The following TPPP2 variants were observed in gnomAD, a reference collection of about 807,000 sequenced individuals.
The protein encoded by TPPP2 is tubulin polymerization promoting protein family member 2.
In TPPP2, 8 loss-of-function variants were observed where a neutral mutation model predicts 13.0. That is an observed-to-expected ratio of 0.62 (90% CI 0.36 to 1.11). The LOEUF (loss-of-function observed/expected upper bound fraction) is 1.11, where lower values mean the gene tolerates loss of function less well. Ranked by LOEUF, TPPP2 falls within the 50% of genes most tolerant of loss-of-function variation. The probability of loss-of-function intolerance (pLI) is 0.02; values close to 1 mark genes in which losing one functional copy is unlikely to be tolerated. For missense variants in TPPP2, 213 were observed against 216.9 expected (o/e 0.98, Z 0.11); for synonymous variants, 81 against 81.8 (o/e 0.99, Z 0.05).
upstream of TPPP2, chr14:21,025,794 T>C: frequency 1.6e-4 from 56 of 360,620 alleles, no homozygotes; most frequent in Non-Finnish European, 1.9e-4. This position sits in a 1 kb window ranked among gnomAD's most constrained non-coding sequence, Gnocchi z 5.1. Flanking sequence ...TAGAGGGCGA[T>C]CGCGGGCAGG....
downstream of TPPP2, among the ~76,000 whole-genome samples, chr14:21,035,243 T>G (rs1884543866): frequency 6.6e-6 from 1 of 152,238 alleles, no homozygotes; most frequent in Non-Finnish European, 1.5e-5. Flanking sequence ...TGTCAGAGTT[T>G]GAGCACTACT....
chr14:21,036,103 A>T, downstream of TPPP2: 1 of 434,050 alleles, frequency 2.3e-6, no homozygotes, highest in Non-Finnish European at 4.6e-6. Flanking sequence ...GTGAGTCCTC[A>T]GTATGAGCCT....
At chr14:21,033,762 G>C, downstream of TPPP2, 1 of 1,156,984 alleles carries the variant, frequency 8.6e-7, no homozygotes, top group Non-Finnish European at 1.3e-6. Context: ...GGATCAGAGT[G>C]TTGGAAATGG....
intron 1 of TPPP2, 84 bp downstream of exon 1, chr14:21,030,388 T>G: frequency 1.7e-6 from 1 of 600,772 alleles, no homozygotes; most frequent in Non-Finnish European, 3.0e-6. Flanking sequence ...AATGGGAGAC[T>G]CATGCTGTAG....
chr14:21,033,560 G>C (rs1220241555), downstream of TPPP2: 2 of 526,940 alleles, frequency 3.8e-6, no homozygotes, highest in Non-Finnish European at 6.9e-6. Context: ...TTCTTGGGTG[G>C]GTTTTACTGT....
chr14:21,024,564 CAA>C, intron 1 of TPPP2: 1 of 985,452 alleles, frequency 1.0e-6, no homozygotes, highest in Non-Finnish European at 1.2e-6. Context: ...AAAACAAACA[CAA>C]AGATTGGTGC....
downstream of TPPP2, chr14:21,033,803 G>A (rs1884416604): frequency 2.0e-6 from 3 of 1,510,544 alleles, no homozygotes; most frequent in Non-Finnish European, 2.8e-6. Flanking sequence ...TAGAGGTTGG[G>A]GAGTGGCTCA....
downstream of TPPP2, chr14:21,033,865 A>G (rs547855328): frequency 5.6e-6 from 9 of 1,614,088 alleles, no homozygotes; most frequent in South Asian, 6.6e-5. Flanking sequence ...TCAGCTTCAT[A>G]CTTGCGGGAG....
Position 21,025,047 on chromosome 14 carries a change from C to T in TPPP2, n.236+703C>T. 2.0e-6 allele frequency: 2 copies of T among 986,142 alleles called. No individual in the cohort carries two copies. The highest frequency in any genetic ancestry group is 2.4e-6 in the Non-Finnish European group (2 of 830,548). 61.1% of individuals were successfully genotyped at this position (986,142 alleles called of 1,614,324 possible). ...CCCCTACCTGCTGCCGCCGCGGCCG[C>T]TTCCACCTTCACTTGCCTTTGACTC... On this transcript the variant is annotated intron_variant and non_coding_transcript_variant, in intron 1 of 1. Coordinates refer to the TPPP2 transcript ENST00000533755. This position sits in a 1 kb window ranked among gnomAD's most constrained non-coding sequence, Gnocchi z 5.1.
chr14:21,024,812 C>T, intron 1 of TPPP2: 1 of 985,650 alleles, frequency 1.0e-6, no homozygotes, highest in Non-Finnish European at 1.2e-6. Context: ...TGGCCGGTGC[C>T]AAGCGCCCCG....
chr14:21,031,981 G>A lies in TPPP2; in HGVS notation c.417G>A (p.Lys139=). The A allele has an allele frequency of 6.2e-7, 1 of 1,614,114 alleles. No homozygotes were observed. Among genetic ancestry groups the A allele is most frequent in the Non-Finnish European group, 8.5e-7 (1 of 1,179,980 alleles). The part of the protein sequence containing the change: ...THKERFDESG[K]GKGIAGREEM... ...AGGAGCGCTTTGATGAGAGTGGCAA[G>A]GGCAAGGGCATTGCGGGACGGGAAG... is the stretch of plus-strand genomic sequence containing the variant. Residue 139 remains lysine, a synonymous_variant, in exon 4 of 4, where the codon AAG becomes AAA. Coordinates refer to ENST00000321760, the MANE Select transcript of TPPP2 (RefSeq NM_173846.5).
At chr14:21,030,398 G>GT in intron 1 of TPPP2, 94 bp downstream of exon 1, 1 of 619,960 alleles carries the variant, frequency 1.6e-6, no homozygotes, top group Admixed American at 2.9e-5. Flanking sequence ...TCATGCTGTA[G>GT]TTGCGTAGGT....
chr14:21,025,338 TCCCTCAG>T (rs1883341863), upstream of TPPP2: 1 of 983,108 alleles, frequency 1.0e-6, no homozygotes, highest in African/African-American at 1.8e-5. The surrounding 1 kb of genome is among the most constrained non-coding windows in gnomAD (Gnocchi z 5.1). Context: ...AGTGCGGGGA[TCCCTCAG>T]CCCTGAGAGG....
upstream of TPPP2, chr14:21,029,019 G>A (rs1385310399): frequency 6.6e-6 from 1 of 152,214 alleles, no homozygotes; most frequent in Non-Finnish European, 1.5e-5. Context: ...GAACATCTTT[G>A]ACCTGCATAG....
At chr14:21,025,636 G>A, upstream of TPPP2, 1 of 985,458 alleles carries the variant, frequency 1.0e-6, no homozygotes, top group Non-Finnish European at 1.2e-6. The surrounding 1 kb of genome is among the most constrained non-coding windows in gnomAD (Gnocchi z 5.1). Flanking sequence ...AACGTCGAGG[G>A]CGCAGGAGTT....
chr14:21,032,762 A>G lies in TPPP2; in HGVS notation c.*685A>G, dbSNP rs1418276920. The G allele has an allele frequency of 2.7e-6, 1 of 365,264 alleles. No homozygotes were observed. Among genetic ancestry groups the G allele is most frequent in the Non-Finnish European group, 5.3e-6 (1 of 188,052 alleles). 22.6% of individuals were successfully genotyped at this position (365,264 alleles called of 1,614,324 possible). The stretch of plus-strand genomic sequence containing the variant: ...GATGAGGCAGGCTGCCAGGATTCCA[A>G]GAGCAGGAGTTCTGGTGCACTGAAG... On this transcript the variant is annotated 3_prime_UTR_variant, in exon 4 of 4. Coordinates refer to ENST00000321760, the MANE Select transcript of TPPP2 (RefSeq NM_173846.5).
At chr14:21,031,337 A>G in intron 3 of TPPP2, 172 bp downstream of exon 3, 1 of 814,750 alleles carries the variant, frequency 1.2e-6, no homozygotes, top group Admixed American at 3.3e-5. Flanking sequence ...AAGGGAAGTG[A>G]CTTGCCCAAG....
In TPPP2 at chr14:21,032,490, A is replaced by T. The variant is rs1566488656; in HGVS notation, c.*413A>T. The T allele has an allele frequency of 8.2e-6, 3 of 364,146 alleles. No individual in the cohort carries two copies. The highest frequency in any genetic ancestry group is 2.1e-5 in the African/African-American group (1 of 47,036). 22.6% of individuals were successfully genotyped at this position (364,146 alleles called of 1,614,324 possible). Reference sequence around the variant, plus strand: ...ACGTGATGGACTATGACTATATCACATATTAGATCCTTCCCTGTCCCTCCA... The same window carrying T: ...ACGTGATGGACTATGACTATATCACTTATTAGATCCTTCCCTGTCCCTCCA... On this transcript the variant is annotated 3_prime_UTR_variant, in exon 4 of 4. Coordinates refer to ENST00000321760, the MANE Select transcript of TPPP2 (RefSeq NM_173846.5).
At chr14:21,026,889 C>T (rs1003856360), upstream of TPPP2, among the ~76,000 whole-genome samples, 1 of 152,232 alleles carries the variant, frequency 6.6e-6, no homozygotes, top group Non-Finnish European at 1.5e-5. Context: ...GCCAAAGGTG[C>T]GCAAGACAGG....
Sources: allele counts gnomAD v4.1 joint callset (sites outside exome capture counted in the v4.1 genomes callset), GRCh38; gene constraint gnomAD v4.1.1; non-coding constraint Gnocchi (gnomAD v3.1); transcripts MANE v1.5; gene names NCBI Gene and HGNC (gene_info 2026-07-23, HGNC 2026-07-21).